Variants in USP32 observed in about 807,000 individuals in gnomAD.
USP32 encodes the protein ubiquitin specific peptidase 32, also known as ubiquitin carboxyl-terminal hydrolase 32.
In USP32, 59 loss-of-function variants were observed where a neutral mutation model predicts 204.8. The ratio of observed to expected loss-of-function variants is 0.29; its 90% confidence interval spans 0.23 to 0.36. The LOEUF is 0.36. USP32 is among the 10% of genes least tolerant of loss of function. USP32 has a pLI of 1.00. For missense variants in USP32, 1,160 were observed against 1,946.4 expected (o/e 0.60, Z 7.60); for synonymous variants, 517 against 678.4 (o/e 0.76, Z 3.70).
At position 60,210,938 on chromosome 17, in the gene USP32, C is replaced by CA. The variant is rs1156657701; in HGVS notation, c.2424+74dup. The CA allele has an allele frequency of 4.6e-6, 7 of 1,509,280 alleles. No individual in the cohort carries two copies. The East Asian group carries it at 1.7e-4, about 37-fold the overall frequency. 93.5% of individuals were successfully genotyped at this position (1,509,280 alleles called of 1,614,324 possible). A position where few individuals can be genotyped will look rare whatever the true frequency, so the allele number is the denominator to read the frequency against. ...ATTTATTAAGTTAAAAGGCTAAACACAAAAAACAAGCAGAGAAAAATGATT... is the reference window on the plus strand; with the variant it reads ...ATTTATTAAGTTAAAAGGCTAAACACAAAAAAACAAGCAGAGAAAAATGATT... On this transcript the variant is annotated intron_variant, in intron 21 of 33. Transcript: ENST00000300896.
At chr17:60,421,300 A>G in intron 1 of USP32, 1 of 895,608 alleles carries the variant, frequency 1.1e-6, no homozygotes, top group Non-Finnish European at 1.3e-6. Flanking sequence ...ATGCTGGCAT[A>G]GAGGACAAGT....
Position 60,265,962 on chromosome 17 carries a change from C to A in USP32, c.927+14G>T. 1 of 1,594,978 alleles carries A rather than the reference C, an allele frequency of 6.3e-7. No homozygotes were observed. Among genetic ancestry groups the A allele is most frequent in the Non-Finnish European group, 8.6e-7 (1 of 1,163,942 alleles). ...AAGTTTATACGCAACAAGACATACA[C>A]AATCATAACTTACAGGAATATCATC... On this transcript the variant is annotated intron_variant, in intron 8 of 33. Transcript: ENST00000300896.
chr17:60,203,313 A>G (rs1456317260), intron 26 of USP32, among the ~76,000 whole-genome samples: 1 of 147,244 alleles, frequency 6.8e-6, no homozygotes, highest in Non-Finnish European at 1.5e-5. Flanking sequence ...AGGCAGGAGA[A>G]TTGCTTGAAC....
intron 2 of USP32, among the ~76,000 whole-genome samples, chr17:60,334,458 C>T (rs944783055): frequency 6.6e-6 from 1 of 151,866 alleles, no homozygotes. Flanking sequence ...CAAATTGTTG[C>T]AAATCTCCAA....
intron 2 of USP32, among the ~76,000 whole-genome samples, chr17:60,340,550 A>T (rs1353223805): frequency 6.6e-6 from 1 of 152,040 alleles, no homozygotes; most frequent in East Asian, 1.9e-4. Context: ...CTTTATTTTG[A>T]GCCTATGTAC....
At chr17:60,333,799 A>G (rs189342511) in intron 2 of USP32, among the ~76,000 whole-genome samples, 317 of 152,334 alleles carry the variant, frequency 2.1e-3, no homozygotes, top group Non-Finnish European at 3.2e-3. Context: ...TGTTTTTATC[A>G]TAAGTTTATG....
At chr17:60,417,529 C>T (rs2090071737) in intron 1 of USP32, among the ~76,000 whole-genome samples, 1 of 151,470 alleles carries the variant, frequency 6.6e-6, no homozygotes, top group Non-Finnish European at 1.5e-5. Context: ...TCTCGGCTCA[C>T]TACAACATCT....
At chr17:60,245,524 C>A in intron 11 of USP32, 1 of 319,030 alleles carries the variant, frequency 3.1e-6, no homozygotes, top group South Asian at 3.1e-5. Flanking sequence ...ACTCTGTTGT[C>A]AATACCTCTG....
intron 1 of USP32, among the ~76,000 whole-genome samples, chr17:60,349,617 A>G (rs1372166289): frequency 6.8e-5 from 5 of 73,008 alleles, no homozygotes; most frequent in African/African-American, 5.8e-4. Context: ...ATATATATAT[A>G]TATATATTAT....
chr17:60,339,886 A>T (rs1184117577), intron 2 of USP32, among the ~76,000 whole-genome samples: 1 of 152,216 alleles, frequency 6.6e-6, no homozygotes, highest in Non-Finnish European at 1.5e-5. Flanking sequence ...ATATGTTATT[A>T]CTTTTACTAT....
chr17:60,252,393 CCTT>C lies in USP32; in HGVS notation c.1121_1123del (p.Glu374del), dbSNP rs2145711047. The C allele has an allele frequency of 1.9e-6, 3 of 1,608,526 alleles. No individual in the cohort carries two copies. Among genetic ancestry groups the C allele is most frequent in the Admixed American group, 1.7e-5 (1 of 59,150 alleles). ...ACTACAAATTTACCTAATAATTTGT[CCTT>C]CTTCTTCCGGAGTAGCTGGTCTTAA... On this transcript the variant is annotated inframe_deletion, in exon 11 of 34. Transcript: ENST00000300896.
At chr17:60,387,786 G>A (rs1293665994) in intron 1 of USP32, among the ~76,000 whole-genome samples, 1 of 152,082 alleles carries the variant, frequency 6.6e-6, no homozygotes, top group Non-Finnish European at 1.5e-5. Flanking sequence ...AACATGCTTA[G>A]AACACTTACA....
chr17:60,205,387 T>C, intron 26 of USP32, 60 bp downstream of exon 26: 1 of 1,574,982 alleles, frequency 6.3e-7, no homozygotes, highest in Non-Finnish European at 8.6e-7. Flanking sequence ...AGACAGAAAA[T>C]GACTATTTCA....
rs1309134438 is a variant in USP32 at position 60,308,701 on chromosome 17, G to A, written c.187-6997C>T. On this transcript the variant is annotated intron_variant, in intron 2 of 33. Transcript: ENST00000300896. Reference sequence around the variant, plus strand: ...CCAGCACTTTGGGAGGCTGAGGCAAGTGGATCACTTGAGGTCAGGAGTTCA... The same window carrying A: ...CCAGCACTTTGGGAGGCTGAGGCAAATGGATCACTTGAGGTCAGGAGTTCA... Among the ~76,000 whole-genome samples the A allele has an allele frequency of 2.6e-5, 4 of 152,236 alleles. No homozygotes were observed. In the East Asian group the frequency reaches 7.7e-4, roughly 29 times the overall value.
intron 12 of USP32, among the ~76,000 whole-genome samples, chr17:60,235,337 C>T (rs2085693521): frequency 6.6e-6 from 1 of 152,144 alleles, no homozygotes; most frequent in Non-Finnish European, 1.5e-5. Flanking sequence ...AGTCATTTGC[C>T]TACTTTTTAT....
At chr17:60,322,186 G>T (rs2145942965) in intron 2 of USP32, among the ~76,000 whole-genome samples, 1 of 151,966 alleles carries the variant, frequency 6.6e-6, no homozygotes, top group South Asian at 2.1e-4. Context: ...TTTTTTTTAA[G>T]GTTATTTTAA....
intron 1 of USP32, among the ~76,000 whole-genome samples, chr17:60,390,850 C>T (rs1285634146): frequency 2.0e-5 from 3 of 152,068 alleles, no homozygotes; most frequent in Admixed American, 6.6e-5. Context: ...CACTTCTTAC[C>T]AAGAATATCC....
chr17:60,234,078 T>C (rs2085645495), intron 12 of USP32, among the ~76,000 whole-genome samples: 1 of 151,856 alleles, frequency 6.6e-6, no homozygotes, highest in Non-Finnish European at 1.5e-5. Flanking sequence ...GCCTCCCAAG[T>C]AGCTGGGACT....
At chr17:60,181,247 T>A (rs1332412994) in intron 32 of USP32, 77 bp downstream of exon 32, 6 of 1,511,954 alleles carry the variant, frequency 4.0e-6, no homozygotes, top group Non-Finnish European at 5.3e-6. Context: ...CTGAAAAAAA[T>A]ACTTGCTGAT....
Sources: gnomAD v4.1 joint callset for allele counts (sites outside exome capture counted in the v4.1 genomes callset) on GRCh38, gnomAD v4.1.1 for gene constraint, MANE v1.5 for transcripts, NCBI Gene and HGNC (gene_info 2026-07-23, HGNC 2026-07-21) for gene names.